NEB: variants seen among roughly 807,000 people sequenced by gnomAD.
The protein encoded by NEB is nemaline myopathy type 2.
A neutral mutation model predicts 952.2 loss-of-function variants in NEB; 512 were observed. The observed-to-expected ratio is 0.54, with a 90% confidence interval of 0.50 to 0.58. The LOEUF is 0.58. NEB is among the 20% of genes least tolerant of loss of function. The pLI is 0.00. For synonymous variants in NEB, 2,900 were observed against 3,149.8 expected (o/e 0.92, Z 2.66); for missense variants, 8,428 against 9,231.1 (o/e 0.91, Z 3.56).
chr2:151,560,414 C>G (rs1011272737), intron 124 of NEB, among the ~76,000 whole-genome samples, 178 bp downstream of exon 124: 1 of 152,286 alleles, frequency 6.6e-6, no homozygotes, highest in South Asian at 2.1e-4. Context: ...CAGAGAGAGA[C>G]AGGCAGTGAG....
At chr2:151,713,715 C>G (rs1196843840) in intron 10 of NEB, among the ~76,000 whole-genome samples, 4 of 152,162 alleles carry the variant, frequency 2.6e-5, no homozygotes, top group Admixed American at 2.0e-4. Context: ...ATAGCTTCCC[C>G]ACCTGGAAGG....
intron 51 of NEB, 47 bp from the exon 52 acceptor site, chr2:151,654,146 A>G (rs2099060841): frequency 8.4e-7 from 1 of 1,196,686 alleles, no homozygotes; most frequent in Non-Finnish European, 1.2e-6. Flanking sequence ...TATATAAAGA[A>G]TATCAATAGA....
At chr2:151,663,156 C>A (rs1023404205) in intron 45 of NEB, among the ~76,000 whole-genome samples, 1 of 152,124 alleles carries the variant, frequency 6.6e-6, no homozygotes, top group African/African-American at 2.4e-5. Flanking sequence ...TAGAATGAAA[C>A]CCGGTTGGGA....
chr2:151,544,194 A>T (rs980731189), intron 135 of NEB, among the ~76,000 whole-genome samples: 5 of 152,180 alleles, frequency 3.3e-5, no homozygotes, highest in African/African-American at 1.2e-4. Flanking sequence ...CTGATGCACA[A>T]CTTGCCCAAA....
At chr2:151,705,795 A>T (rs1436312560) in intron 13 of NEB, among the ~76,000 whole-genome samples, 3 of 152,364 alleles carry the variant, frequency 2.0e-5, no homozygotes, top group Admixed American at 2.0e-4. Context: ...GCTGGAGGCC[A>T]TTATTCTAAA....
At position 151,612,237 on chromosome 2, in the gene NEB, G is replaced by A. The variant is rs368230090; in HGVS notation, c.11754C>T (p.Thr3918=). The A allele has an allele frequency of 3.0e-5, 48 of 1,613,666 alleles. No homozygotes were observed. In the East Asian group the frequency reaches 6.9e-4, roughly 23 times the overall value. Residue 3918 remains threonine (T), a synonymous_variant, in exon 78 of 182, where the codon ACC becomes ACT. Coordinates refer to ENST00000397345, the MANE Select transcript of NEB (RefSeq NM_001164508.2). ...TTGCTAGGACAATTTCCGGAGTGTC[G>A]GTAATGCATGTGAATTTGAGCTGGT... The part of the protein sequence containing the change: ...PADQLKFTCI[T]DTPEIVLAKN...
rs781752369 is a variant in NEB at position 151,576,207 on chromosome 2, T to C, written c.16852A>G (p.Ile5618Val). The part of the protein sequence containing the change: ...TPVVNLKYTS[I>V]VDTPEVVLAK... ...AGGACCACTTCAGGTGTGTCAACAA[T>C]GCTTGTGTACTTAAGGTTCACCACA... is the stretch of plus-strand genomic sequence containing the variant. The change falls in exon 106 of 182, where the codon ATT becomes GTT. Residue 5618 changes from isoleucine to valine, a missense_variant. By Grantham distance (29) the Ile-to-Val change is conservative. Around this residue, in one of 11 missense-constraint regions of NEB, gnomAD observed 3,374 missense variants for 3,651.5 expected, o/e 0.92. Coordinates refer to ENST00000397345, the MANE Select transcript of NEB (RefSeq NM_001164508.2). 3 of 1,611,256 alleles carry C rather than the reference T, an allele frequency of 1.9e-6. No individual in the cohort carries two copies. The South Asian group carries it at 3.3e-5, about 18-fold the overall frequency.
rs1032729675 is a variant in NEB, at chr2:151,696,682, A to G, written c.1524T>C (p.Ser508=). 2 of 1,613,750 alleles carry G rather than the reference A, an allele frequency of 1.2e-6. No individual in the cohort carries two copies. The highest frequency in any genetic ancestry group is 1.3e-5 in the African/African-American group (1 of 74,918). Residue 508 remains serine, a synonymous_variant, in exon 17 of 182, where the codon TCT becomes TCC. Coordinates refer to ENST00000397345, the MANE Select transcript of NEB (RefSeq NM_001164508.2). ...DKTKFTQVTD[S]PVLLQAQVNS... The stretch of plus-strand genomic sequence containing the variant: ...TGACTTGGGCTTGTAGCAGAACAGG[A>G]GAGTCTGTAACTTGGGTGAATTTTG...
chr2:151,558,429 A>C (rs1577443967), intron 124 of NEB, among the ~76,000 whole-genome samples: 1 of 152,148 alleles, frequency 6.6e-6, no homozygotes, highest in African/African-American at 2.4e-5. Flanking sequence ...TCGTGAAAAT[A>C]GCCATACTGC....
At chr2:151,675,152 C>G in intron 35 of NEB, 135 bp downstream of exon 35, 1 of 722,880 alleles carries the variant, frequency 1.4e-6, no homozygotes, top group South Asian at 1.6e-5. Context: ...AAAGAACCAT[C>G]CTTATGGGAT....
At chr2:151,689,630 A>G (rs1179637999) in intron 24 of NEB, 1 of 152,224 alleles carries the variant, frequency 6.6e-6, no homozygotes, top group Admixed American at 6.5e-5. Context: ...AAAGGCAAAA[A>G]TGCACAAGAT....
At chr2:151,644,903 T>C (rs962483478) in intron 55 of NEB, among the ~76,000 whole-genome samples, 1 of 152,214 alleles carries the variant, frequency 6.6e-6, no homozygotes, top group African/African-American at 2.4e-5. Context: ...CAATCCTAGA[T>C]GGTACGGCCT....
intron 63 of NEB, among the ~76,000 whole-genome samples, chr2:151,638,436 G>C (rs2098801737): frequency 5.9e-5 from 9 of 152,242 alleles, no homozygotes; most frequent in Admixed American, 5.9e-4. Context: ...CTGGGGTGAA[G>C]GTGGCAGGGG....
Position 151,633,747 on chromosome 2 carries a change from G to T in NEB, c.9321C>A (p.Asp3107Glu). 6.2e-7 allele frequency: 1 copy of T among 1,613,956 alleles called. No homozygotes were observed. Among genetic ancestry groups the T allele is most frequent in the South Asian group, 1.1e-5 (1 of 91,082 alleles). ...LAKKCQTLVSDVDYKNYLHEW... is the reference protein window; with the variant it reads ...LAKKCQTLVSEVDYKNYLHEW... ...CGTGCAGGTAGTTCTTATAGTCCAC[G>T]TCACTGACTAAGGTCTGGCACTTCT... Residue 3107 changes from aspartate to glutamate, a missense_variant, in exon 65 of 182, where the codon GAC (aspartate) becomes GAA (glutamate). By Grantham distance (45) the Asp-to-Glu change is conservative. Coordinates refer to ENST00000397345, the MANE Select transcript of NEB (RefSeq NM_001164508.2).
rs933128761 is a variant in NEB at position 151,568,361 on chromosome 2, G to T, written c.17691C>A (p.Thr5897=). 10 of 1,613,632 alleles carry T rather than the reference G, an allele frequency of 6.2e-6. No homozygotes were observed. Among genetic ancestry groups the T allele is most frequent in the Admixed American group, 1.7e-5 (1 of 59,996 alleles). ...CCTCCTGGGCAGTGTGCAGCAGGGG[G>T]GTTTCTGTGAGGGTGTACTTTGATT... ...ATKSKYTLTE[T]PLLHTAQEAA... is the part of the protein sequence containing the mutation. Residue 5897 remains threonine (T), a synonymous_variant, in exon 112 of 182, where the codon ACC becomes ACA. Transcript: ENST00000397345.
chr2:151,525,368 TC>T, intron 150 of NEB, 95 bp from the exon 151 acceptor site: 1 of 917,384 alleles, frequency 1.1e-6, no homozygotes, highest in Non-Finnish European at 1.7e-6. Context: ...AAATCCATGC[TC>T]CCCATTTTGG....
intron 16 of NEB, among the ~76,000 whole-genome samples, 198 bp downstream of exon 16, chr2:151,696,950 G>A (rs906346312): frequency 4.6e-5 from 7 of 152,180 alleles, no homozygotes; most frequent in African/African-American, 1.7e-4. Context: ...ACTCTTCTTT[G>A]GGAAAATGAG....
At chr2:151,622,801 T>C (rs2154032845) in intron 71 of NEB, among the ~76,000 whole-genome samples, 1 of 152,340 alleles carries the variant, frequency 6.6e-6, no homozygotes, top group Admixed American at 6.5e-5. Context: ...ACGGTGAATA[T>C]TCAAATTTCA....
intron 27 of NEB, among the ~76,000 whole-genome samples, 168 bp from the exon 28 acceptor site, chr2:151,685,143 A>G (rs959441922): frequency 3.3e-5 from 5 of 152,126 alleles, no homozygotes; most frequent in Admixed American, 2.0e-4. Context: ...AAATTCCCCC[A>G]AAAAGCACGC....
Sources: gnomAD v4.1 joint callset for allele counts (sites outside exome capture counted in the v4.1 genomes callset) on GRCh38, gnomAD v4.1.1 for gene constraint, gnomAD v4.1.1 regional missense constraint, MANE v1.5 for transcripts, NCBI Gene and HGNC (gene_info 2026-07-23, HGNC 2026-07-21) for gene names.